CNTNAP2: variants seen among roughly 807,000 people sequenced by gnomAD.
The protein encoded by CNTNAP2 is contactin associated protein 2.
Under a neutral mutation model 155.2 loss-of-function variants are expected in CNTNAP2, and 98 were observed. The ratio of observed to expected loss-of-function variants is 0.63; its 90% CI spans 0.54 to 0.75. The LOEUF is 0.75. CNTNAP2 is among the 30% of genes least tolerant of loss of function. The pLI, the probability that CNTNAP2 is intolerant of heterozygous loss-of-function variation, is 0.00. For missense variants in CNTNAP2, 1,727 were observed against 1,688.1 expected, an observed-to-expected ratio of 1.02 and a Z score of -0.40; for synonymous variants, 651 against 631.2, an observed-to-expected ratio of 1.03 and a Z score of -0.47.
intron 20 of CNTNAP2, among the ~76,000 whole-genome samples, chr7:148,262,348 A>G (rs1337096494): frequency 6.6e-6 from 1 of 152,198 alleles, no homozygotes; most frequent in Non-Finnish European, 1.5e-5. Context: ...AATTTCTTGT[A>G]TTAGTTTCCC....
intron 10 of CNTNAP2, among the ~76,000 whole-genome samples, chr7:147,468,871 C>T (rs1344466613): frequency 6.6e-6 from 1 of 150,672 alleles, no homozygotes; most frequent in Non-Finnish European, 1.5e-5. Flanking sequence ...GACAGAGTGT[C>T]ACTCTTTCAC....
At chr7:146,809,709 T>C (rs1448908058) in intron 2 of CNTNAP2, among the ~76,000 whole-genome samples, 1 of 152,168 alleles carries the variant, frequency 6.6e-6, no homozygotes, top group Non-Finnish European at 1.5e-5. Context: ...GTCTTCACTT[T>C]TTAGAAATTG....
intron 9 of CNTNAP2, among the ~76,000 whole-genome samples, chr7:147,300,576 T>A (rs1032531390): frequency 3.3e-5 from 5 of 152,160 alleles, no homozygotes; most frequent in Non-Finnish European, 5.9e-5. Context: ...AAAAGTCAGG[T>A]CCTTGGAATA....
At chr7:146,777,263 C>A (rs148586831) in intron 2 of CNTNAP2, among the ~76,000 whole-genome samples, 1 of 152,188 alleles carries the variant, frequency 6.6e-6, no homozygotes, top group African/African-American at 2.4e-5. Context: ...CAGCTACGTA[C>A]TTTTTGGCTT....
At chr7:147,938,047 A>G (rs12665922) in intron 14 of CNTNAP2, among the ~76,000 whole-genome samples, 35,281 of 152,064 alleles carry the variant, frequency 0.23, 5,462 homozygotes, top group East Asian at 0.58. Context: ...CAGCAGGAGT[A>G]ACTATTTTTA....
At chr7:146,348,742 G>T (rs772340220) in intron 1 of CNTNAP2, among the ~76,000 whole-genome samples, 5 of 142,684 alleles carry the variant, frequency 3.5e-5, no homozygotes, top group African/African-American at 5.7e-5. Flanking sequence ...AACAGATTTC[G>T]ATATCTTGTC....
At chr7:147,958,468 C>T (rs562546493) in intron 14 of CNTNAP2, among the ~76,000 whole-genome samples, 1 of 152,258 alleles carries the variant, frequency 6.6e-6, no homozygotes, top group East Asian at 1.9e-4. Flanking sequence ...ACATCAAGCT[C>T]ATCAAGGTCT....
intron 1 of CNTNAP2, among the ~76,000 whole-genome samples, chr7:146,608,077 C>G (rs1442642466): frequency 6.6e-6 from 1 of 152,152 alleles, no homozygotes; most frequent in Non-Finnish European, 1.5e-5. Context: ...ATATTTGGAG[C>G]TAAACTTCAT....
At chr7:147,165,407 T>G (rs1341044656) in intron 8 of CNTNAP2, among the ~76,000 whole-genome samples, 2 of 152,200 alleles carry the variant, frequency 1.3e-5, no homozygotes, top group Non-Finnish European at 2.9e-5. Flanking sequence ...ATTAGTCCTT[T>G]GTCAGATGTA....
intron 1 of CNTNAP2, among the ~76,000 whole-genome samples, chr7:146,302,984 A>G (rs1222955656): frequency 6.6e-6 from 1 of 152,140 alleles, no homozygotes; most frequent in Non-Finnish European, 1.5e-5. Context: ...AGAAACAGGT[A>G]AGTACATGAT....
chr7:147,354,776 T>G lies in CNTNAP2; in HGVS notation c.1499-40833T>G, dbSNP rs745656280. Among the ~76,000 whole-genome samples, 74 of 152,278 alleles carry G rather than the reference T, an allele frequency of 4.9e-4. No individual in the cohort carries two copies. The Middle Eastern group carries it at 0.01, about 21-fold the overall frequency. On this transcript the variant is annotated intron_variant, in intron 9 of 23. Coordinates refer to ENST00000361727, the MANE Select transcript of CNTNAP2 (RefSeq NM_014141.6). ...ATTCTTCCTGTGCATGAGCATGGAC[T>G]GTTTTTCCATTTGTTTGTTTCCTCT...
At chr7:147,273,274 T>G (rs1164359511) in intron 8 of CNTNAP2, among the ~76,000 whole-genome samples, 1 of 152,182 alleles carries the variant, frequency 6.6e-6, no homozygotes, top group Non-Finnish European at 1.5e-5. Flanking sequence ...GTATTGATAT[T>G]ACTGTTTTAA....
chr7:147,577,480 A>G (rs894641587), intron 12 of CNTNAP2, among the ~76,000 whole-genome samples: 2 of 151,794 alleles, frequency 1.3e-5, no homozygotes, highest in Non-Finnish European at 2.9e-5. Context: ...GATACCTTCC[A>G]TTGCTCTCTA....
chr7:146,617,365 T>G (rs923171479), intron 1 of CNTNAP2, among the ~76,000 whole-genome samples: 1 of 152,224 alleles, frequency 6.6e-6, no homozygotes, highest in Non-Finnish European at 1.5e-5. Flanking sequence ...AGCCTGTGCA[T>G]TTTTCTGCGA....
At chr7:146,377,287 T>C (rs1795317004) in intron 1 of CNTNAP2, among the ~76,000 whole-genome samples, 1 of 152,152 alleles carries the variant, frequency 6.6e-6, no homozygotes, top group Non-Finnish European at 1.5e-5. Context: ...AGTTTTTCCA[T>C]CTTAGCCCAA....
At chr7:147,153,451 T>G (rs960051836) in intron 8 of CNTNAP2, among the ~76,000 whole-genome samples, 1 of 151,986 alleles carries the variant, frequency 6.6e-6, no homozygotes, top group African/African-American at 2.4e-5. Context: ...GCAAAACACA[T>G]CAGCATAAAC....
intron 1 of CNTNAP2, among the ~76,000 whole-genome samples, chr7:146,372,659 C>A (rs141046561): frequency 6.6e-6 from 1 of 152,214 alleles, no homozygotes; most frequent in Non-Finnish European, 1.5e-5. Context: ...TGTTAATAAA[C>A]CTAGACGTAC....
intron 1 of CNTNAP2, among the ~76,000 whole-genome samples, chr7:146,647,666 A>G (rs1288005764): frequency 6.6e-6 from 1 of 152,162 alleles, no homozygotes; most frequent in African/African-American, 2.4e-5. Flanking sequence ...AAAGAAAAAC[A>G]TAAGGTCTTA....
chr7:147,425,852 A>T (rs115296464), intron 10 of CNTNAP2, among the ~76,000 whole-genome samples: 4 of 152,290 alleles, frequency 2.6e-5, no homozygotes, highest in Non-Finnish European at 4.4e-5. Flanking sequence ...CGGTATTTCC[A>T]TCTGAAGCTT....
Sources: allele counts gnomAD v4.1 joint callset (sites outside exome capture counted in the v4.1 genomes callset), GRCh38; gene constraint gnomAD v4.1.1; transcripts MANE v1.5; gene names NCBI Gene and HGNC (gene_info 2026-07-23, HGNC 2026-07-21).